MARCHF11: variants seen among roughly 807,000 people sequenced by gnomAD.
The protein encoded by MARCHF11 is membrane associated ring-CH-type finger 11, also known as E3 ubiquitin-protein ligase MARCHF11.
Under a neutral mutation model 37.3 loss-of-function variants are expected in MARCHF11, and 29 were observed. The observed-to-expected ratio is 0.78, with a 90% CI of 0.58 to 1.06. The LOEUF is 1.06. Among genes scored for constraint, MARCHF11 ranks in the 50% least tolerant of loss-of-function variants. The pLI is 0.00. For synonymous variants in MARCHF11, 233 were observed against 228.0 expected, an observed-to-expected ratio of 1.02 and a Z score of -0.20; for missense variants, 482 against 533.4, an observed-to-expected ratio of 0.90 and a Z score of 0.95.
chr5:16,067,194 AG>A lies in MARCHF11; in HGVS notation c.*276del. On this transcript the variant is annotated 3_prime_UTR_variant, in exon 4 of 4. Transcript: ENST00000332432. ...GCAAGAAAAAATAGTTTTGGCCTTA[AG>A]GATAACTTTCATTATTCTTTTAACC... 1 of 306,142 alleles carries A rather than the reference AG, an allele frequency of 3.3e-6. No homozygotes were observed. The highest frequency in any genetic ancestry group is 6.0e-6 in the Non-Finnish European group (1 of 167,544). 19.0% of individuals were successfully genotyped at this position (306,142 alleles called of 1,614,324 possible).
intron 2 of MARCHF11, among the ~76,000 whole-genome samples, chr5:16,134,204 A>C (rs1488040266): frequency 1.3e-5 from 2 of 152,200 alleles, no homozygotes; most frequent in Admixed American, 6.5e-5. Context: ...GCGCTCTCAT[A>C]AGCCATCTCC....
intron 2 of MARCHF11, among the ~76,000 whole-genome samples, chr5:16,098,170 G>T (rs1348664864): frequency 6.6e-6 from 1 of 152,110 alleles, no homozygotes; most frequent in Non-Finnish European, 1.5e-5. Context: ...AACCTGAAAA[G>T]GGCATCTAAA....
chr5:16,067,394 G>T lies in MARCHF11; in HGVS notation c.*77C>A. 7.6e-7 allele frequency: 1 copy of T among 1,319,002 alleles called. No homozygotes were observed. 81.7% of individuals were successfully genotyped at this position (1,319,002 alleles called of 1,614,324 possible). A position where few individuals can be genotyped will look rare whatever the true frequency, so the allele number is the denominator to read the frequency against. ...AGTTCATAGATGTGTTTTTAGAAGTGCTATGGTTTTGCCATTCACTGCAAT... is the reference window on the plus strand; with the variant it reads ...AGTTCATAGATGTGTTTTTAGAAGTTCTATGGTTTTGCCATTCACTGCAAT... On this transcript the variant is annotated 3_prime_UTR_variant, in exon 4 of 4. Transcript: ENST00000332432.
chr5:16,163,996 G>C (rs893415934), intron 2 of MARCHF11, among the ~76,000 whole-genome samples: 1 of 152,070 alleles, frequency 6.6e-6, no homozygotes, highest in South Asian at 2.1e-4. Flanking sequence ...CAGCAACAAA[G>C]TCCCACTTGG....
At chr5:16,078,794 TC>T (rs2126547871) in intron 3 of MARCHF11, among the ~76,000 whole-genome samples, 1 of 152,246 alleles carries the variant, frequency 6.6e-6, no homozygotes, top group South Asian at 2.1e-4. Context: ...TGCTTTCTCT[TC>T]CAAGGAAAGC....
intron 2 of MARCHF11, among the ~76,000 whole-genome samples, chr5:16,111,039 C>T (rs758668409): frequency 1.3e-5 from 2 of 152,196 alleles, no homozygotes; most frequent in Non-Finnish European, 1.5e-5. Flanking sequence ...TAAGACCTGC[C>T]TTTCACCTTC....
At chr5:16,151,655 G>A (rs1396082972) in intron 2 of MARCHF11, among the ~76,000 whole-genome samples, 2 of 130,410 alleles carry the variant, frequency 1.5e-5, no homozygotes, top group African/African-American at 6.8e-5. Flanking sequence ...TTGAATGTGT[G>A]TGTGTGTGTG....
intron 2 of MARCHF11, among the ~76,000 whole-genome samples, chr5:16,092,190 CT>C (rs1560972186): frequency 4.8e-5 from 7 of 144,996 alleles, no homozygotes; most frequent in African/African-American, 2.0e-4. Flanking sequence ...CCCTCATTGT[CT>C]GTCTCTCTGT....
At chr5:16,138,498 G>C (rs1737648052) in intron 2 of MARCHF11, among the ~76,000 whole-genome samples, 2 of 152,138 alleles carry the variant, frequency 1.3e-5, no homozygotes, top group African/African-American at 2.4e-5. Flanking sequence ...ACCTCTGCTA[G>C]GGCAATGCAG....
chr5:16,099,005 C>T (rs1736914246), intron 2 of MARCHF11, among the ~76,000 whole-genome samples: 1 of 152,072 alleles, frequency 6.6e-6, no homozygotes, highest in Non-Finnish European at 1.5e-5. Context: ...AAATGATCCT[C>T]CAAACCTCTT....
At chr5:16,175,458 G>A (rs1042386793) in intron 2 of MARCHF11, among the ~76,000 whole-genome samples, 1 of 152,164 alleles carries the variant, frequency 6.6e-6, no homozygotes, top group African/African-American at 2.4e-5. Context: ...GGCTAAGACA[G>A]TGGACCCTGG....
At chr5:16,069,199 G>A (rs1213843693) in intron 3 of MARCHF11, among the ~76,000 whole-genome samples, 3 of 152,084 alleles carry the variant, frequency 2.0e-5, no homozygotes, top group African/African-American at 7.2e-5. Flanking sequence ...AAACCATAAT[G>A]ACAATCCCAA....
chr5:16,134,361 G>C (rs1737573084), intron 2 of MARCHF11, among the ~76,000 whole-genome samples: 1 of 152,092 alleles, frequency 6.6e-6, no homozygotes, highest in Admixed American at 6.5e-5. Flanking sequence ...ATTATAAAAG[G>C]CTTGAGGCTG....
rs567801198 is a variant in MARCHF11, at chr5:16,111,670, G to C, written c.694-20589C>G. Among the ~76,000 whole-genome samples the C allele has an allele frequency of 1.4e-4, 22 of 152,368 alleles. No homozygotes were observed. In the South Asian group the frequency reaches 4.1e-3, roughly 29 times the overall value. Reference sequence around the variant, plus strand: ...ATTTTCTGAGGAGAAATTCAAGCCAGCTGCAGAAAGTTGCATAAGTAACGA... The same window carrying C: ...ATTTTCTGAGGAGAAATTCAAGCCACCTGCAGAAAGTTGCATAAGTAACGA... On this transcript the variant is annotated intron_variant, in intron 2 of 3. Transcript: ENST00000332432.
chr5:16,099,393 T>C (rs1291292633), intron 2 of MARCHF11, among the ~76,000 whole-genome samples: 1 of 152,206 alleles, frequency 6.6e-6, no homozygotes, highest in Non-Finnish European at 1.5e-5. Flanking sequence ...GTTTACATAT[T>C]ATAATGCAAA....
intron 2 of MARCHF11, among the ~76,000 whole-genome samples, chr5:16,156,129 T>G (rs1303172951): frequency 6.6e-6 from 1 of 151,948 alleles, no homozygotes; most frequent in African/African-American, 2.4e-5. Flanking sequence ...ATAAATTCTT[T>G]GTACTGAGTT....
rs568302206 is a variant in MARCHF11 at position 16,093,782 on chromosome 5, G to C, written c.694-2701C>G. On this transcript the variant is annotated intron_variant, in intron 2 of 3. Transcript: ENST00000332432. The stretch of plus-strand genomic sequence containing the variant: ...GGCAAGGAAAAAAAGAACAACCTTT[G>C]ATTACAGTACACTGGGAAGCTTAAC... Among the ~76,000 whole-genome samples the C allele has an allele frequency of 3.7e-4, 56 of 152,280 alleles. 1 individual carries two copies. The highest frequency in any genetic ancestry group is 3.6e-3 in the Admixed American group (55 of 15,304).
At chr5:16,074,927 G>A (rs1736493008) in intron 3 of MARCHF11, among the ~76,000 whole-genome samples, 1 of 152,136 alleles carries the variant, frequency 6.6e-6, no homozygotes, top group African/African-American at 2.4e-5. Context: ...ATGTCCCCCT[G>A]TCTGCTTCAT....
rs551696245 is a variant in MARCHF11, at chr5:16,142,428, T to C, written c.693+35298A>G. Among the ~76,000 whole-genome samples, 6 of 152,296 alleles carry C rather than the reference T, an allele frequency of 3.9e-5. No individual in the cohort carries two copies. In the South Asian group the frequency reaches 1.0e-3, roughly 26 times the overall value. The stretch of plus-strand genomic sequence containing the variant: ...TCAAAAATCCTTCTTCTGAGCCCAA[T>C]AGTGTCTTAAGCCAAGTAGACAGCT... On this transcript the variant is annotated intron_variant, in intron 2 of 3. Coordinates refer to ENST00000332432, the MANE Select transcript of MARCHF11 (RefSeq NM_001102562.3).
Sources: allele counts gnomAD v4.1 joint callset (sites outside exome capture counted in the v4.1 genomes callset), GRCh38; gene constraint gnomAD v4.1.1; transcripts MANE v1.5; gene names NCBI Gene and HGNC (gene_info 2026-07-23, HGNC 2026-07-21).